Variants in BNC2 observed in about 807,000 individuals in gnomAD.
BNC2 encodes zinc finger protein basonuclin-2.
In BNC2, 20 loss-of-function variants were observed where a neutral mutation model predicts 76.3. The ratio of observed to expected loss-of-function variants is 0.26; its 90% CI spans 0.18 to 0.38. The LOEUF (loss-of-function observed/expected upper bound fraction) is 0.38, where lower values mean the gene tolerates loss of function less well. BNC2 is among the 10% of genes least tolerant of loss of function. The pLI is 1.00. For synonymous variants in BNC2, 582 were observed against 514.8 expected, an observed-to-expected ratio of 1.13 and a Z score of -1.77; for missense variants, 1,382 against 1,399.8, an observed-to-expected ratio of 0.99 and a Z score of 0.20.
chr9:16,686,859 C>T (rs2134363495), intron 3 of BNC2, among the ~76,000 whole-genome samples: 1 of 152,254 alleles, frequency 6.6e-6, no homozygotes, highest in South Asian at 2.1e-4. Context: ...GTCCAGTTCT[C>T]TCATTCTTTT....
intron 3 of BNC2, among the ~76,000 whole-genome samples, chr9:16,721,282 G>A (rs1824149247): frequency 6.6e-6 from 1 of 152,010 alleles, no homozygotes; most frequent in Admixed American, 6.6e-5. Context: ...TTCTATGTGA[G>A]GATATAAAGG....
chr9:16,633,326 T>C (rs1462547025), intron 3 of BNC2, among the ~76,000 whole-genome samples: 1 of 152,210 alleles, frequency 6.6e-6, no homozygotes, highest in Admixed American at 6.5e-5. Context: ...CATACATAAA[T>C]GTTATTAATA....
chr9:16,507,323 G>A (rs1032326082), intron 5 of BNC2, among the ~76,000 whole-genome samples: 7 of 138,964 alleles, frequency 5.0e-5, no homozygotes, highest in African/African-American at 1.9e-4. Context: ...GGAGTGCAGT[G>A]GCTTGATCTT....
intron 1 of BNC2, among the ~76,000 whole-genome samples, chr9:16,848,428 A>G (rs1819043234): frequency 6.6e-6 from 1 of 152,220 alleles, no homozygotes; most frequent in Admixed American, 6.5e-5. Context: ...ATCCAATGCA[A>G]AACAGCTAGA....
chr9:16,724,961 TA>T (rs1379752524), intron 3 of BNC2, among the ~76,000 whole-genome samples: 10 of 151,918 alleles, frequency 6.6e-5, no homozygotes, highest in East Asian at 3.9e-4. Flanking sequence ...AAGAAAACTT[TA>T]AAAAAAATAA....
chr9:16,820,868 A>G (rs932080302), intron 1 of BNC2, among the ~76,000 whole-genome samples: 4 of 152,182 alleles, frequency 2.6e-5, no homozygotes, highest in Non-Finnish European at 5.9e-5. Context: ...CTGAAAATCA[A>G]ACAGCAATGG....
chr9:16,721,606 G>T (rs889859339), intron 3 of BNC2, among the ~76,000 whole-genome samples: 3 of 152,100 alleles, frequency 2.0e-5, no homozygotes, highest in African/African-American at 7.2e-5. Context: ...GGTACAAGAG[G>T]ATTTTCAAAT....
At chr9:16,470,256 G>A (rs753223073) in intron 5 of BNC2, among the ~76,000 whole-genome samples, 9 of 151,898 alleles carry the variant, frequency 5.9e-5, no homozygotes, top group Non-Finnish European at 1.2e-4. Context: ...CTCGGCCTCC[G>A]AAAGTGCTTG....
rs1820438528 is a variant in BNC2 at position 16,410,566 on chromosome 9, C to A, written c.*8423G>T. Reference sequence around the variant, plus strand: ...CCATATACTAGAAATCTTAGATAGTCTTATCAGGTTAAGATATAATACTAG... The same window carrying A: ...CCATATACTAGAAATCTTAGATAGTATTATCAGGTTAAGATATAATACTAG... On this transcript the variant is annotated 3_prime_UTR_variant, in exon 7 of 7. Coordinates refer to ENST00000380672, the MANE Select transcript of BNC2 (RefSeq NM_017637.6). 1 of 152,624 alleles carries A rather than the reference C, an allele frequency of 6.6e-6. No individual in the cohort carries two copies. Among genetic ancestry groups the A allele is most frequent in the Admixed American group, 6.5e-5 (1 of 15,288 alleles). The allele number at this position is 152,624 out of a possible 1,614,324, so 9.5% of individuals were successfully genotyped here.
At chr9:16,770,816 G>A (rs146921778) in intron 1 of BNC2, among the ~76,000 whole-genome samples, 11 of 151,990 alleles carry the variant, frequency 7.2e-5, no homozygotes, top group African/African-American at 2.7e-4. Context: ...AGTGAGCCAA[G>A]ATAGCGAGAT....
At chr9:16,592,308 G>C (rs1287877490) in intron 3 of BNC2, among the ~76,000 whole-genome samples, 1 of 151,900 alleles carries the variant, frequency 6.6e-6, no homozygotes, top group Non-Finnish European at 1.5e-5. Flanking sequence ...CTGACAAATG[G>C]ATAAACAAAA....
chr9:16,700,381 G>A (rs1823474253), intron 3 of BNC2, among the ~76,000 whole-genome samples: 1 of 152,058 alleles, frequency 6.6e-6, no homozygotes, highest in Non-Finnish European at 1.5e-5. Flanking sequence ...AGCCAGGCTT[G>A]GTGTAGCACA....
At chr9:16,797,586 A>G (rs1046394443) in intron 1 of BNC2, among the ~76,000 whole-genome samples, 3 of 152,208 alleles carry the variant, frequency 2.0e-5, no homozygotes, top group African/African-American at 7.2e-5. Context: ...GCTGGAGGCT[A>G]GGTATGCATC....
chr9:16,442,360 T>C (rs1053825763), intron 5 of BNC2, among the ~76,000 whole-genome samples: 1 of 152,246 alleles, frequency 6.6e-6, no homozygotes, highest in Non-Finnish European at 1.5e-5. Context: ...TCATTGGAAC[T>C]GGTGATTATC....
At chr9:16,648,333 C>T (rs1054263359) in intron 3 of BNC2, among the ~76,000 whole-genome samples, 6 of 152,204 alleles carry the variant, frequency 3.9e-5, no homozygotes, top group African/African-American at 1.4e-4. Context: ...CTATTTAAGA[C>T]AGTAGAACAT....
chr9:16,708,448 C>A (rs1563909277), intron 3 of BNC2, among the ~76,000 whole-genome samples: 1 of 152,136 alleles, frequency 6.6e-6, no homozygotes, highest in Non-Finnish European at 1.5e-5. Context: ...GCTAAATCAA[C>A]CCCCTCCTCA....
At chr9:16,594,034 T>G (rs919402467) in intron 3 of BNC2, among the ~76,000 whole-genome samples, 14 of 152,196 alleles carry the variant, frequency 9.2e-5, no homozygotes, top group Non-Finnish European at 1.9e-4. Context: ...TACATTTCTC[T>G]GTGGCATTCA....
chr9:16,590,013 C>T (rs1819880308), intron 3 of BNC2, among the ~76,000 whole-genome samples: 2 of 152,012 alleles, frequency 1.3e-5, no homozygotes, highest in Admixed American at 1.3e-4. Flanking sequence ...AATCCCAGCA[C>T]TTTGGGAGGC....
At position 16,502,543 on chromosome 9, in the gene BNC2, T is replaced by G. The variant is rs193188447; in HGVS notation, c.669+49987A>C. Among the ~76,000 whole-genome samples, 1,207 of 151,304 alleles carry G rather than the reference T, an allele frequency of 8.0e-3. 13 individuals carry two copies. The highest frequency in any genetic ancestry group is 0.028 in the African/African-American group (1,138 of 41,232). The stretch of plus-strand genomic sequence containing the variant: ...GACACATTTCCACACTGTTTTGTTT[T>G]GTCTTTTTTCCCCCCCTCTTACTTC... On this transcript the variant is annotated intron_variant, in intron 5 of 6. Transcript: ENST00000380672.
Sources: allele counts gnomAD v4.1 joint callset (sites outside exome capture counted in the v4.1 genomes callset), GRCh38; gene constraint gnomAD v4.1.1; transcripts MANE v1.5; gene names NCBI Gene and HGNC (gene_info 2026-07-23, HGNC 2026-07-21).